Variants in ACSS3 observed in about 807,000 individuals in gnomAD.
The protein encoded by ACSS3 is acyl-CoA synthetase short chain family member 3, also known as acyl-CoA synthetase short-chain family member 3, mitochondrial.
A neutral mutation model predicts 84.2 loss-of-function variants in ACSS3; 64 were observed. The ratio of observed to expected loss-of-function variants is 0.76; its 90% CI spans 0.62 to 0.94. ACSS3 has a LOEUF of 0.94. ACSS3 is among the 40% of genes least tolerant of loss of function. ACSS3 has a pLI of 0.00. For synonymous variants in ACSS3, 317 were observed against 310.1 expected, an observed-to-expected ratio of 1.02 and a Z score of -0.23; for missense variants, 815 against 867.6, an observed-to-expected ratio of 0.94 and a Z score of 0.76.
At chr12:81,214,644 C>T (rs766048421) in intron 9 of ACSS3, among the ~76,000 whole-genome samples, 2 of 152,170 alleles carry the variant, frequency 1.3e-5, no homozygotes, top group Non-Finnish European at 2.9e-5. Context: ...AAGGACAACG[C>T]TTCATTAATC....
chr12:81,202,722 A>T (rs2032165128), intron 9 of ACSS3, among the ~76,000 whole-genome samples: 1 of 152,200 alleles, frequency 6.6e-6, no homozygotes, highest in South Asian at 2.1e-4. Flanking sequence ...ACACTGATAC[A>T]TGTGTACAAA....
intron 8 of ACSS3, among the ~76,000 whole-genome samples, chr12:81,192,285 G>T (rs1029325325): frequency 5.3e-5 from 8 of 152,156 alleles, no homozygotes; most frequent in Non-Finnish European, 1.2e-4. Context: ...GGAGGCTGAG[G>T]CAGGAGAATG....
chr12:81,146,008 A>G (rs1482299584), intron 5 of ACSS3, among the ~76,000 whole-genome samples: 1 of 152,210 alleles, frequency 6.6e-6, no homozygotes, highest in Non-Finnish European at 1.5e-5. Flanking sequence ...TAAATTTTAC[A>G]TTACCAACAG....
At chr12:81,105,968 A>C (rs1230090913) in intron 1 of ACSS3, among the ~76,000 whole-genome samples, 1 of 152,188 alleles carries the variant, frequency 6.6e-6, no homozygotes, top group African/African-American at 2.4e-5. Flanking sequence ...AAGCTGACTG[A>C]ATTCAAGGAA....
intron 2 of ACSS3, among the ~76,000 whole-genome samples, chr12:81,113,879 T>C (rs1415951018): frequency 3.3e-5 from 5 of 152,124 alleles, no homozygotes; most frequent in Admixed American, 3.3e-4. Context: ...GTTTTTATTG[T>C]ATTCTTGCTC....
intron 13 of ACSS3, among the ~76,000 whole-genome samples, chr12:81,238,671 C>T (rs1490065913): frequency 1.3e-5 from 2 of 151,524 alleles, no homozygotes; most frequent in East Asian, 3.9e-4. Flanking sequence ...TCATAATATT[C>T]CTTATTATCT....
intron 1 of ACSS3, among the ~76,000 whole-genome samples, chr12:81,084,606 AAG>A (rs974559584): frequency 6.6e-6 from 1 of 152,072 alleles, no homozygotes. Context: ...GTTGAAGTGA[AAG>A]AGAGAAAGAA....
At chr12:81,113,312 G>T (rs1043306039) in intron 2 of ACSS3, among the ~76,000 whole-genome samples, 2 of 152,006 alleles carry the variant, frequency 1.3e-5, no homozygotes, top group Non-Finnish European at 2.9e-5. Flanking sequence ...CCTACCCTCC[G>T]CTAGAAATAA....
rs2121575809 is a variant in ACSS3 at position 81,139,169 on chromosome 12, T to A, written c.684T>A (p.Pro228=). The A allele has an allele frequency of 1.9e-6, 3 of 1,613,802 alleles. No homozygotes were observed. The East Asian group carries it at 6.7e-5, about 36-fold the overall frequency. The change falls in exon 4 of 16, where the codon CCT becomes CCA. Residue 228 remains proline (P), a synonymous_variant. Transcript: ENST00000548058. ...TTACAGCATCATTTGGCATTGAACCTGGAAGGAGGGTAGAGTACGTACCAC... is the reference window on the plus strand; with the variant it reads ...TTACAGCATCATTTGGCATTGAACCAGGAAGGAGGGTAGAGTACGTACCAC... The part of the protein sequence containing the change: ...VVVTASFGIE[P]GRRVEYVPLV...
At chr12:81,164,642 TC>T (rs1436152473) in intron 7 of ACSS3, among the ~76,000 whole-genome samples, 16 of 152,320 alleles carry the variant, frequency 1.1e-4, no homozygotes, top group African/African-American at 3.4e-4. Context: ...TTTCCCTGTA[TC>T]TGTAATCTCC....
At chr12:81,198,352 A>G (rs1322681755) in intron 8 of ACSS3, among the ~76,000 whole-genome samples, 1 of 152,194 alleles carries the variant, frequency 6.6e-6, no homozygotes, top group East Asian at 1.9e-4. Flanking sequence ...CATAGCAAAG[A>G]CAGAAACAGA....
intron 13 of ACSS3, among the ~76,000 whole-genome samples, chr12:81,243,468 C>G (rs2033879503): frequency 6.6e-6 from 1 of 152,160 alleles, no homozygotes; most frequent in African/African-American, 2.4e-5. Context: ...CCATCCCCAT[C>G]AAGCTACCAA....
chr12:81,140,351 A>G (rs1424895468), intron 4 of ACSS3, among the ~76,000 whole-genome samples: 2 of 152,006 alleles, frequency 1.3e-5, no homozygotes, highest in Non-Finnish European at 2.9e-5. Flanking sequence ...GCAAATCTCT[A>G]GCTATTTATG....
intron 1 of ACSS3, among the ~76,000 whole-genome samples, chr12:81,106,037 CAG>C (rs1882967637): frequency 6.6e-6 from 1 of 152,158 alleles, no homozygotes; most frequent in South Asian, 2.1e-4. Flanking sequence ...GGAAATGAAA[CAG>C]AGTAGATCAA....
At chr12:81,124,004 G>T (rs941953506) in intron 2 of ACSS3, among the ~76,000 whole-genome samples, 3 of 152,054 alleles carry the variant, frequency 2.0e-5, no homozygotes, top group African/African-American at 7.2e-5. Context: ...AGTATATACC[G>T]AGTAATAGGA....
At chr12:81,246,062 A>G (rs557479253) in intron 13 of ACSS3, among the ~76,000 whole-genome samples, 4 of 152,240 alleles carry the variant, frequency 2.6e-5, no homozygotes, top group African/African-American at 7.2e-5. Context: ...ATGCCAGGGT[A>G]AGTCAACAGC....
intron 13 of ACSS3, among the ~76,000 whole-genome samples, chr12:81,240,642 A>G (rs1172123472): frequency 6.6e-6 from 1 of 151,436 alleles, no homozygotes; most frequent in Admixed American, 6.6e-5. Flanking sequence ...CTTTCTCTGC[A>G]TTTTGTGGTT....
At chr12:81,216,485 A>T (rs1490649387) in intron 9 of ACSS3, among the ~76,000 whole-genome samples, 1 of 152,308 alleles carries the variant, frequency 6.6e-6, no homozygotes, top group East Asian at 1.9e-4. Flanking sequence ...GTTTTGACAC[A>T]ACTGTAATTA....
intron 13 of ACSS3, among the ~76,000 whole-genome samples, chr12:81,248,525 G>C (rs1396805055): frequency 6.6e-6 from 1 of 151,922 alleles, no homozygotes; most frequent in African/African-American, 2.4e-5. Context: ...ACAGAGAGTA[G>C]AATGATACCA....
Sources: gnomAD v4.1 joint callset for allele counts (sites outside exome capture counted in the v4.1 genomes callset) on GRCh38, gnomAD v4.1.1 for gene constraint, MANE v1.5 for transcripts, NCBI Gene and HGNC (gene_info 2026-07-23, HGNC 2026-07-21) for gene names.